Variants in CUZD1 observed in about 807,000 individuals in gnomAD.
CUZD1 encodes the protein CUB and zona pellucida-like domain-containing protein 1.
In CUZD1, 42 loss-of-function variants were observed where a neutral mutation model predicts 53.1. The ratio of observed to expected loss-of-function variants is 0.79; its 90% CI spans 0.62 to 1.02. CUZD1 has a LOEUF of 1.02. CUZD1 is among the 50% of genes least tolerant of loss of function. CUZD1 has a pLI of 0.00. For synonymous variants in CUZD1, 238 were observed against 257.2 expected (o/e 0.93, Z 0.71); for missense variants, 670 against 715.7 (o/e 0.94, Z 0.73).
Position 122,834,813 on chromosome 10 carries a change from T to G in CUZD1, c.1275A>C (p.Gln425His). Residue 425 changes from glutamine to histidine, a missense_variant, in exon 7 of 9, where the codon CAA becomes CAC. By Grantham distance (24) the Gln-to-His change is conservative. Coordinates refer to ENST00000392790, the MANE Select transcript of CUZD1 (RefSeq NM_022034.6). ...TTGGATCTGAGGTGTGCAGACTAAC[T>G]TGAACAAAAAGAGTTTGGTTCAAAT... ...YVDLNQTLFV[Q>H]VSLHTSDPNL... The G allele has an allele frequency of 6.2e-7, 1 of 1,613,898 alleles. No individual in the cohort carries two copies. The highest frequency in any genetic ancestry group is 1.1e-5 in the South Asian group (1 of 91,048).
In CUZD1 at chr10:122,834,857, C is replaced by G; in HGVS notation, c.1231G>C (p.Glu411Gln). The G allele has an allele frequency of 1.2e-6, 2 of 1,613,686 alleles. No homozygotes were observed. Among genetic ancestry groups the G allele is most frequent in the African/African-American group, 1.3e-5 (1 of 75,004 alleles). ...ESNSFEKTIL[E>Q]SPYYVDLNQT... ...TTCAAATCCACATAATATGGTGATT[C>G]AAGTATAGTCTTTTCAAATGAATTG... The change falls in exon 7 of 9, where the codon GAA becomes CAA. Residue 411 changes from glutamate to glutamine, a missense_variant. Physicochemically the swap from Glu to Gln is conservative, Grantham distance 29. Transcript: ENST00000392790.
At chr10:122,844,146 A>G (rs1440063510) in intron 1 of CUZD1, among the ~76,000 whole-genome samples, 4 of 151,750 alleles carry the variant, frequency 2.6e-5, no homozygotes, top group Admixed American at 1.3e-4. Context: ...CTCCCACCTC[A>G]GCCGCCAGAG....
At chr10:122,835,253 T>C (rs1344317261) in intron 6 of CUZD1, among the ~76,000 whole-genome samples, 156 bp from the exon 7 acceptor site, 1 of 152,202 alleles carries the variant, frequency 6.6e-6, no homozygotes, top group Non-Finnish European at 1.5e-5. Context: ...ATGTATTTCA[T>C]TGAAGAAATA....
At chr10:122,843,053 A>C (rs1847368610) in intron 1 of CUZD1, among the ~76,000 whole-genome samples, 1 of 152,232 alleles carries the variant, frequency 6.6e-6, no homozygotes, top group Admixed American at 6.5e-5. Context: ...ACAGTCTGGC[A>C]GTTCCTCAAA....
At chr10:122,834,507 G>C (rs1200841630) in intron 7 of CUZD1, among the ~76,000 whole-genome samples, 199 bp downstream of exon 7, 1 of 152,064 alleles carries the variant, frequency 6.6e-6, no homozygotes, top group Non-Finnish European at 1.5e-5. Context: ...TATAAGCTGT[G>C]TCTGCATAAA....
intron 7 of CUZD1, among the ~76,000 whole-genome samples, chr10:122,834,202 C>T (rs889569002): frequency 1.3e-5 from 2 of 152,136 alleles, no homozygotes; most frequent in East Asian, 3.9e-4. Context: ...TCTTTCCTTA[C>T]GTGCTTATCA....
At position 122,841,995 on chromosome 10, in the gene CUZD1, G is replaced by A. The variant is rs144447378; in HGVS notation, c.83-667C>T. Reference sequence around the variant, plus strand: ...TTGTTTTCATGATTGGGTTTTGAGAGTTTTTTATATATGCTGAATACAAGT... The same window carrying A: ...TTGTTTTCATGATTGGGTTTTGAGAATTTTTTATATATGCTGAATACAAGT... On this transcript the variant is annotated intron_variant, in intron 1 of 8. Coordinates refer to ENST00000392790, the MANE Select transcript of CUZD1 (RefSeq NM_022034.6). 8.2e-4 allele frequency among the ~76,000 whole-genome samples: 124 copies of A among 151,638 alleles called. 1 individual carries two copies. In the East Asian group the frequency reaches 0.022, roughly 26 times the overall value.
intron 2 of CUZD1, among the ~76,000 whole-genome samples, chr10:122,840,042 G>A (rs1369513155): frequency 6.6e-6 from 1 of 152,182 alleles, no homozygotes; most frequent in Non-Finnish European, 1.5e-5. Context: ...GTGTTCAATA[G>A]ATGTTAAATG....
Position 122,833,802 on chromosome 10 carries a change from G to A in CUZD1, c.1521C>T (p.Asp507=), listed in dbSNP as rs767111689. Residue 507 remains aspartate, a synonymous_variant, in exon 8 of 9, where the codon GAC becomes GAT. Transcript: ENST00000392790. ...QCKVLICDSS[D]HQSRCNQGCV... ...AACCTTGATTGCAGCGAGACTGGTG[G>A]TCACTGCTATCACATATCAAAACTT... is the stretch of plus-strand genomic sequence containing the variant. 6.8e-6 allele frequency: 11 copies of A among 1,613,932 alleles called. No individual in the cohort carries two copies. The highest frequency in any genetic ancestry group is 9.3e-6 in the Non-Finnish European group (11 of 1,179,976).
rs1847262447 is a variant in CUZD1 at position 122,836,950 on chromosome 10, GTCACACGGCCACAGACT to G, written c.681_697del (p.Gln227HisfsTer48). ...GTTTGATGACGATTCGAAGGTGGGA[GTCACACGGCCACAGACT>G]TGTCCAATCAGGCCAGAGTTGGTGG... is the stretch of plus-strand genomic sequence containing the variant. On this transcript the variant is annotated frameshift_variant, in exon 5 of 9. Transcript: ENST00000392790. LOFTEE classifies it high-confidence loss of function. 1 of 1,613,960 alleles carries G rather than the reference GTCACACGGCCACAGACT, an allele frequency of 6.2e-7. No individual in the cohort carries two copies. Among genetic ancestry groups the G allele is most frequent in the Non-Finnish European group, 8.5e-7 (1 of 1,179,926 alleles).
Position 122,833,657 on chromosome 10 carries a change from T to C in CUZD1, c.1651+15A>G, listed in dbSNP as rs1011408421. 8.1e-6 allele frequency: 13 copies of C among 1,609,648 alleles called. No individual in the cohort carries two copies. Among genetic ancestry groups the C allele is most frequent in the East Asian group, 2.2e-5 (1 of 44,850 alleles). The stretch of plus-strand genomic sequence containing the variant: ...CATGATGTGCTTTTGGATCATGGAA[T>C]AGCTTTTTTCTTACCTGAATTGCCA... On this transcript the variant is annotated intron_variant, in intron 8 of 8. Transcript: ENST00000392790.
intron 1 of CUZD1, among the ~76,000 whole-genome samples, chr10:122,845,034 T>C (rs1454951460): frequency 6.6e-6 from 1 of 152,094 alleles, no homozygotes; most frequent in East Asian, 1.9e-4. Context: ...CAGATCTCTT[T>C]TTTCTCTTAA....
chr10:122,834,840 C>G lies in CUZD1; in HGVS notation c.1248G>C (p.Val416=). Residue 416 remains valine (V), a synonymous_variant, in exon 7 of 9, where the codon GTG becomes GTC. Transcript: ENST00000392790. ...GAACAAAAAGAGTTTGGTTCAAATC[C>G]ACATAATATGGTGATTCAAGTATAG... ...EKTILESPYY[V]DLNQTLFVQV... The G allele has an allele frequency of 1.2e-6, 2 of 1,613,714 alleles. No homozygotes were observed. The highest frequency in any genetic ancestry group is 2.2e-5 in the South Asian group (2 of 91,048).
chr10:122,839,164 G>A lies in CUZD1; in HGVS notation c.301C>T (p.Pro101Ser), dbSNP rs1847297669. ...TTACTGCAGACTTGCCCTAGCAGAG[G>A]CCCATTGCTGGAGGTTCCGTCAAAG... ...KVFDGTSSNG[P>S]LLGQVCSKND... Residue 101 changes from proline (P) to serine (S), a missense_variant, in exon 3 of 9, where the codon CCT becomes TCT. Physicochemically the swap from Pro to Ser is moderately conservative, Grantham distance 74. Coordinates refer to ENST00000392790, the MANE Select transcript of CUZD1 (RefSeq NM_022034.6). 1 of 1,614,144 alleles carries A rather than the reference G, an allele frequency of 6.2e-7. No individual in the cohort carries two copies. Among genetic ancestry groups the A allele is most frequent in the Non-Finnish European group, 8.5e-7 (1 of 1,179,996 alleles).
Position 122,834,951 on chromosome 10 carries a change from T to C in CUZD1, c.1137A>G (p.Thr379=), listed in dbSNP as rs1260611779. ...TTTGACTTTGTATTACATCATCTTC[T>C]GTTATGTATATTATCTCCACTGTAG... is the stretch of plus-strand genomic sequence containing the variant. The part of the protein sequence containing the change: ...HNSTVEIIYI[T]EDDVIQSQNA... Residue 379 remains threonine, a synonymous_variant, in exon 7 of 9, where the codon ACA becomes ACG. Coordinates refer to ENST00000392790, the MANE Select transcript of CUZD1 (RefSeq NM_022034.6). The C allele has an allele frequency of 6.2e-7, 1 of 1,613,848 alleles. No individual in the cohort carries two copies. Among genetic ancestry groups the C allele is most frequent in the Admixed American group, 1.7e-5 (1 of 60,018 alleles).
chr10:122,838,635 T>C (rs1239448640), intron 3 of CUZD1, among the ~76,000 whole-genome samples: 1 of 152,094 alleles, frequency 6.6e-6, no homozygotes, highest in African/African-American at 2.4e-5. Flanking sequence ...TGAAGAGGCA[T>C]TGCAGAAGAT....
At chr10:122,838,497 G>T (rs1426280975) in intron 3 of CUZD1, among the ~76,000 whole-genome samples, 2 of 152,140 alleles carry the variant, frequency 1.3e-5, no homozygotes, top group African/African-American at 4.8e-5. Context: ...TCAATGGTGA[G>T]CCCAGAGATT....
chr10:122,841,259 T>G lies in CUZD1; in HGVS notation c.152A>C (p.Gln51Pro). 6.2e-7 allele frequency: 1 copy of G among 1,614,090 alleles called. No individual in the cohort carries two copies. The highest frequency in any genetic ancestry group is 8.5e-7 in the Non-Finnish European group (1 of 1,179,954). Residue 51 changes from glutamine (Q) to proline (P), a missense_variant, in exon 2 of 9, where the codon CAA becomes CCA. Transcript: ENST00000392790. Reference sequence around the variant, plus strand: ...GGTGCAGTTCTCACTGGGATTGAGTTGCAGGATCATGGCTTTGTGGGTCTC... The same window carrying G: ...GGTGCAGTTCTCACTGGGATTGAGTGGCAGGATCATGGCTTTGTGGGTCTC... ...MAETHKAMILQLNPSENCTWT... is the reference protein window; with the variant it reads ...MAETHKAMILPLNPSENCTWT...
chr10:122,837,341 A>G (rs923984342), intron 4 of CUZD1, 63 bp downstream of exon 4: 4 of 1,556,472 alleles, frequency 2.6e-6, no homozygotes, highest in Non-Finnish European at 3.5e-6. Flanking sequence ...TCTTCCCCAA[A>G]TCCCCCAGTT....
Sources: gnomAD v4.1 joint callset for allele counts (sites outside exome capture counted in the v4.1 genomes callset) on GRCh38, gnomAD v4.1.1 for gene constraint, MANE v1.5 for transcripts, NCBI Gene and HGNC (gene_info 2026-07-23, HGNC 2026-07-21) for gene names.